The following DTD1 variants were observed in gnomAD, a reference collection of about 807,000 sequenced individuals.
DTD1 encodes the protein D-aminoacyl-tRNA deacylase 1, also known as D-tyrosyl-tRNA deacylase 1 homolog.
A neutral mutation model predicts 25.6 loss-of-function variants in DTD1; 13 were observed. The ratio of observed to expected loss-of-function variants is 0.51; its 90% CI spans 0.33 to 0.81. The LOEUF is 0.81. DTD1 is among the 30% of genes least tolerant of loss of function. The pLI is 0.02. For synonymous variants in DTD1, 110 were observed against 103.6 expected, an observed-to-expected ratio of 1.06 and a Z score of -0.37; for missense variants, 193 against 266.4, an observed-to-expected ratio of 0.72 and a Z score of 1.92.
At chr20:18,625,379 G>T (rs1311862253) in intron 3 of DTD1, among the ~76,000 whole-genome samples, 2 of 152,206 alleles carry the variant, frequency 1.3e-5, no homozygotes, top group African/African-American at 4.8e-5. Context: ...TCTGCCTAAG[G>T]CCCCAGAGCC....
At chr20:18,659,010 T>G (rs2060899779) in intron 4 of DTD1, among the ~76,000 whole-genome samples, 1 of 152,200 alleles carries the variant, frequency 6.6e-6, no homozygotes, top group Non-Finnish European at 1.5e-5. Context: ...CTGGCACATT[T>G]TAGGAATTGA....
At chr20:18,728,518 C>G (rs1162993266) in intron 4 of DTD1, among the ~76,000 whole-genome samples, 1 of 152,134 alleles carries the variant, frequency 6.6e-6, no homozygotes, top group Non-Finnish European at 1.5e-5. Flanking sequence ...TCTGACAGCA[C>G]TTTGGAGATC....
chr20:18,648,527 A>G (rs968646196), intron 4 of DTD1, among the ~76,000 whole-genome samples: 5 of 152,072 alleles, frequency 3.3e-5, no homozygotes, highest in Non-Finnish European at 4.4e-5. Context: ...CTCAGTGTAA[A>G]ATGAAAAATG....
chr20:18,722,542 CTTATG>C (rs1469862315), intron 4 of DTD1, among the ~76,000 whole-genome samples: 3 of 152,170 alleles, frequency 2.0e-5, no homozygotes, highest in African/African-American at 4.8e-5. Flanking sequence ...GATTTACAGT[CTTATG>C]TTAGGTTCAT....
chr20:18,652,264 C>T (rs2060877129), intron 4 of DTD1, among the ~76,000 whole-genome samples: 1 of 152,214 alleles, frequency 6.6e-6, no homozygotes, highest in South Asian at 2.1e-4. Context: ...TGGGGGATTC[C>T]CAATAAATAT....
At chr20:18,589,844 A>G (rs1319726971) in intron 1 of DTD1, among the ~76,000 whole-genome samples, 1 of 152,186 alleles carries the variant, frequency 6.6e-6, no homozygotes, top group Non-Finnish European at 1.5e-5. Context: ...AAACAACCAA[A>G]CCTGCATATT....
chr20:18,660,787 G>A (rs1334061941), intron 4 of DTD1, among the ~76,000 whole-genome samples: 1 of 152,110 alleles, frequency 6.6e-6, no homozygotes, highest in Non-Finnish European at 1.5e-5. Flanking sequence ...AAAAATATTT[G>A]TAATATTTTA....
chr20:18,612,033 GTT>G (rs57848248), intron 3 of DTD1, among the ~76,000 whole-genome samples: 67 of 96,638 alleles, frequency 6.9e-4, no homozygotes, highest in Admixed American at 1.8e-3. Context: ...TAATTTTTGT[GTT>G]TTTTTTTTTT....
chr20:18,766,578 CT>C lies in DTD1; in HGVS notation c.*3239del, dbSNP rs1202853350. 6.6e-6 allele frequency: 1 copy of C among 151,482 alleles called. No homozygotes were observed. Among genetic ancestry groups the C allele is most frequent in the African/African-American group, 2.4e-5 (1 of 41,230 alleles). The allele number at this position is 151,482 out of a possible 1,614,324, so 9.4% of individuals were successfully genotyped here. ...CTAACACAGTGAAACCCCGTCTCTA[CT>C]AAAAATACAAAAAATTAGCCGGGCG... On this transcript the variant is annotated 3_prime_UTR_variant, in exon 6 of 6. Coordinates refer to ENST00000377452, the MANE Select transcript of DTD1 (RefSeq NM_080820.6).
chr20:18,756,753 G>A (rs573772733), intron 5 of DTD1, among the ~76,000 whole-genome samples: 53 of 151,946 alleles, frequency 3.5e-4, no homozygotes, highest in African/African-American at 1.2e-3. Context: ...GGCAATGCGG[G>A]CTCTTTTTTG....
At chr20:18,668,815 C>G (rs561530159) in intron 4 of DTD1, among the ~76,000 whole-genome samples, 3 of 152,318 alleles carry the variant, frequency 2.0e-5, no homozygotes, top group African/African-American at 7.2e-5. Flanking sequence ...GATTTTTCTG[C>G]CTCTCAACTT....
In DTD1 at chr20:18,661,618, G is replaced by A. The variant is rs190270731; in HGVS notation, c.477+33385G>A. On this transcript the variant is annotated intron_variant, in intron 4 of 5. Coordinates refer to ENST00000377452, the MANE Select transcript of DTD1 (RefSeq NM_080820.6). ...GATCTCCTGACCTCGTGATCTGCCCGCCTTGGCCTCCCAAAGTGCTGGGAT... is the reference window on the plus strand; with the variant it reads ...GATCTCCTGACCTCGTGATCTGCCCACCTTGGCCTCCCAAAGTGCTGGGAT... Among the ~76,000 whole-genome samples, 118 of 152,198 alleles carry A rather than the reference G, an allele frequency of 7.8e-4. 2 individuals are homozygous for A. In the East Asian group the frequency reaches 0.021, roughly 27 times the overall value.
intron 3 of DTD1, among the ~76,000 whole-genome samples, chr20:18,626,566 A>G (rs996949554): frequency 2.0e-5 from 3 of 152,182 alleles, no homozygotes; most frequent in Non-Finnish European, 4.4e-5. Context: ...GTCATTTTAT[A>G]GATATGCTTT....
chr20:18,725,260 C>T (rs564252179), intron 4 of DTD1, among the ~76,000 whole-genome samples: 10 of 152,250 alleles, frequency 6.6e-5, no homozygotes, highest in African/African-American at 1.9e-4. Flanking sequence ...GCAGTAACTC[C>T]GTGGTGTTGC....
At chr20:18,689,867 C>T (rs377233948) in intron 4 of DTD1, among the ~76,000 whole-genome samples, 6 of 7,350 alleles carry the variant, frequency 8.2e-4, no homozygotes, top group South Asian at 4.7e-3. Flanking sequence ...GTATGGTGGC[C>T]CATGCCTGTA....
chr20:18,752,003 C>T (rs2061323204), intron 5 of DTD1, among the ~76,000 whole-genome samples: 1 of 151,206 alleles, frequency 6.6e-6, no homozygotes, highest in Admixed American at 6.6e-5. Flanking sequence ...AATTTTTATT[C>T]CTCTCTCTCC....
chr20:18,708,635 C>T (rs111515918), intron 4 of DTD1, among the ~76,000 whole-genome samples: 19,755 of 151,608 alleles, frequency 0.13, 1,597 homozygotes, highest in Non-Finnish European at 0.18. Context: ...AGATTCCAGG[C>T]ATGAGCCACT....
intron 5 of DTD1, among the ~76,000 whole-genome samples, chr20:18,753,109 A>G (rs1353359848): frequency 6.6e-6 from 1 of 152,260 alleles, no homozygotes; most frequent in Non-Finnish European, 1.5e-5. Flanking sequence ...TACTAACTGC[A>G]TGTGGCTATT....
At chr20:18,633,087 C>A (rs777224399) in intron 4 of DTD1, among the ~76,000 whole-genome samples, 9 of 152,156 alleles carry the variant, frequency 5.9e-5, no homozygotes, top group Admixed American at 2.0e-4. Context: ...GGTTACAAGA[C>A]CATTCAGTTT....
Sources: allele counts gnomAD v4.1 joint callset (sites outside exome capture counted in the v4.1 genomes callset), GRCh38; gene constraint gnomAD v4.1.1; transcripts MANE v1.5; gene names NCBI Gene and HGNC (gene_info 2026-07-23, HGNC 2026-07-21).